Variants in ALDH8A1 observed in about 807,000 individuals in gnomAD.
The protein encoded by ALDH8A1 is 2-aminomuconic semialdehyde dehydrogenase.
In ALDH8A1, 39 loss-of-function variants were observed where a neutral mutation model predicts 43.3. The ratio of observed to expected loss-of-function variants is 0.90; its 90% CI spans 0.70 to 1.18. The LOEUF (loss-of-function observed/expected upper bound fraction) is 1.18. Among genes scored for constraint, ALDH8A1 ranks in the 50% most tolerant of loss-of-function variants. ALDH8A1 has a pLI of 0.00. For synonymous variants in ALDH8A1, 233 were observed against 243.5 expected (o/e 0.96, Z 0.40); for missense variants, 605 against 622.6 (o/e 0.97, Z 0.30).
At chr6:134,939,116 CTGTG>C in intron 4 of ALDH8A1, 146 bp downstream of exon 4, 1 of 1,248,208 alleles carries the variant, frequency 8.0e-7, no homozygotes, top group Non-Finnish European at 1.1e-6. Context: ...TGAGGGAACC[CTGTG>C]GGTGGAGGGG....
In ALDH8A1 at chr6:134,937,836, C is replaced by G. The variant is rs746684686; in HGVS notation, c.592+1430G>C. On this transcript the variant is annotated intron_variant, in intron 4 of 6. Transcript: ENST00000265605. ...GGGAGGAACATGGGAAGGGTCGGCA[C>G]ATTTAAATGATATACCCCGCCCCAC... Among the ~76,000 whole-genome samples, 3 of 152,170 alleles carry G rather than the reference C, an allele frequency of 2.0e-5. No individual in the cohort carries two copies. The East Asian group carries it at 5.8e-4, about 29-fold the overall frequency.
chr6:134,943,891 C>A lies in ALDH8A1; in HGVS notation c.214G>T (p.Val72Phe). 6.2e-7 allele frequency: 1 copy of A among 1,614,234 alleles called. No individual in the cohort carries two copies. The highest frequency in any genetic ancestry group is 8.5e-7 in the Non-Finnish European group (1 of 1,180,042). ...AGCAAATCCGCCACCTGGTTCAGGA[C>A]CCGTGAGCGCTCCTGGGGGCTGCGG... The part of the protein sequence containing the change: ...SSRSPQERSR[V>F]LNQVADLLEQ... The change falls in exon 2 of 7, where the codon GTC (valine) becomes TTC (phenylalanine). Residue 72 changes from valine to phenylalanine, a missense_variant. Coordinates refer to ENST00000265605, the MANE Select transcript of ALDH8A1 (RefSeq NM_022568.4).
intron 1 of ALDH8A1, among the ~76,000 whole-genome samples, chr6:134,945,136 G>A (rs1487423294): frequency 6.6e-6 from 1 of 151,922 alleles, no homozygotes; most frequent in Non-Finnish European, 1.5e-5. Flanking sequence ...AAGGGAATAT[G>A]CTAAATACTT....
rs374409638 is a variant in ALDH8A1, at chr6:134,918,633, T to G, written c.1246A>C (p.Lys416Gln). The G allele has an allele frequency of 1.3e-4, 203 of 1,614,076 alleles. No homozygotes were observed. Among genetic ancestry groups the G allele is most frequent in the Middle Eastern group, 1.2e-3 (7 of 6,084 alleles). ...CACACGGTAGCCGCCAGCCCATACT[T>G]AACGTTGTTGGCTCTTTCAATCACC... ...EEVIERANNVKYGLAATVWSS... is the reference protein window; with the variant it reads ...EEVIERANNVQYGLAATVWSS... Residue 416 changes from lysine (K) to glutamine (Q), a missense_variant, in exon 7 of 7, where the codon AAG (lysine) becomes CAG (glutamine). Transcript: ENST00000265605.
At position 134,943,898 on chromosome 6, in the gene ALDH8A1, G is replaced by A. The variant is rs2114708601; in HGVS notation, c.207C>T (p.Arg69=). Residue 69 remains arginine, a synonymous_variant, in exon 2 of 7, where the codon CGC becomes CGT. Coordinates refer to ENST00000265605, the MANE Select transcript of ALDH8A1 (RefSeq NM_022568.4). The part of the protein sequence containing the change: ...PSWSSRSPQE[R]SRVLNQVADL... ...CCGCCACCTGGTTCAGGACCCGTGA[G>A]CGCTCCTGGGGGCTGCGGGATGACC... The A allele has an allele frequency of 4.3e-6, 7 of 1,614,250 alleles. No homozygotes were observed. The highest frequency in any genetic ancestry group is 5.9e-6 in the Non-Finnish European group (7 of 1,180,046).
At chr6:134,930,705 C>T (rs1305441336) in intron 5 of ALDH8A1, among the ~76,000 whole-genome samples, 2 of 152,218 alleles carry the variant, frequency 1.3e-5, no homozygotes, top group African/African-American at 2.4e-5. Context: ...CGCAAGCGCC[C>T]TGTGACATCA....
At chr6:134,934,774 C>G (rs749466158) in intron 4 of ALDH8A1, among the ~76,000 whole-genome samples, 2 of 152,158 alleles carry the variant, frequency 1.3e-5, no homozygotes, top group Non-Finnish European at 2.9e-5. Context: ...TGCAGCCAGA[C>G]TCCATCTCAA....
intron 4 of ALDH8A1, among the ~76,000 whole-genome samples, chr6:134,936,214 G>A (rs1331665969): frequency 2.0e-5 from 3 of 152,228 alleles, no homozygotes; most frequent in Admixed American, 2.0e-4. Context: ...GCCTCCCAAA[G>A]TGCTGGGATT....
At chr6:134,935,848 G>T (rs1409826223) in intron 4 of ALDH8A1, among the ~76,000 whole-genome samples, 2 of 152,002 alleles carry the variant, frequency 1.3e-5, no homozygotes, top group African/African-American at 4.8e-5. Context: ...CACAGCCTTG[G>T]CCCAATCACC....
intron 6 of ALDH8A1, among the ~76,000 whole-genome samples, chr6:134,919,987 C>A (rs968523476): frequency 1.3e-5 from 2 of 152,222 alleles, no homozygotes; most frequent in African/African-American, 4.8e-5. Flanking sequence ...TGGCTTGCTG[C>A]AGCCTTGAAG....
At chr6:134,946,189 G>A (rs1773946299) in intron 1 of ALDH8A1, among the ~76,000 whole-genome samples, 1 of 152,178 alleles carries the variant, frequency 6.6e-6, no homozygotes, top group Non-Finnish European at 1.5e-5. Flanking sequence ...GGTATAAAAT[G>A]ATTCTCATCT....
intron 6 of ALDH8A1, among the ~76,000 whole-genome samples, chr6:134,919,318 T>A (rs1052747279): frequency 3.3e-5 from 5 of 152,216 alleles, no homozygotes; most frequent in African/African-American, 9.6e-5. Context: ...TTCTCCCTTT[T>A]TGGGAGCTAT....
In ALDH8A1 at chr6:134,932,925, G is replaced by A. The variant is rs1298635378; in HGVS notation, c.700C>T (p.Pro234Ser). ...VPLISFTGSQ[P>S]TAERITQLSA... is the part of the protein sequence containing the mutation. ...AGCTGGGTGATCCGCTCAGCGGTGGGCTGGCTCCCGGTGAAGGAGATCAGG... is the reference window on the plus strand; with the variant it reads ...AGCTGGGTGATCCGCTCAGCGGTGGACTGGCTCCCGGTGAAGGAGATCAGG... The change falls in exon 5 of 7, where the codon CCC becomes TCC. Residue 234 changes from proline to serine, a missense_variant. Transcript: ENST00000265605. 6.2e-7 allele frequency: 1 copy of A among 1,614,144 alleles called. No homozygotes were observed. The highest frequency in any genetic ancestry group is 1.1e-5 in the South Asian group (1 of 91,080).
chr6:134,933,023 G>C lies in ALDH8A1; in HGVS notation c.602C>G (p.Pro201Arg). Reference protein sequence around the residue: ...CKLLDKAGVPPGVVNIVFGTG... With the variant: ...CKLLDKAGVPRGVVNIVFGTG... ...TCCAAACACAATATTGACCACACCTGGTGGAACACCTGGATAGGAAACAGT... is the reference window on the plus strand; with the variant it reads ...TCCAAACACAATATTGACCACACCTCGTGGAACACCTGGATAGGAAACAGT... The change falls in exon 5 of 7, where the codon CCA (proline) becomes CGA (arginine). Residue 201 changes from proline (P) to arginine (R), a missense_variant. Pro to Arg is a moderately radical substitution (Grantham distance 103). Transcript: ENST00000265605. 6.4e-7 allele frequency: 1 copy of C among 1,570,000 alleles called. No homozygotes were observed. The highest frequency in any genetic ancestry group is 8.6e-7 in the Non-Finnish European group (1 of 1,159,538).
At chr6:134,938,108 C>G (rs537677674) in intron 4 of ALDH8A1, among the ~76,000 whole-genome samples, 1 of 152,358 alleles carries the variant, frequency 6.6e-6, no homozygotes, top group East Asian at 1.9e-4. Context: ...CTCTTACCCA[C>G]CGGGCATTCT....
rs377746837 is a variant in ALDH8A1 at position 134,922,535 on chromosome 6, G to A, written c.1012-3668C>T. Among the ~76,000 whole-genome samples, 153 of 151,876 alleles carry A rather than the reference G, an allele frequency of 1.0e-3. 1 individual carries two copies. Among genetic ancestry groups the A allele is most frequent in the African/African-American group, 3.2e-3 (133 of 41,410 alleles). On this transcript the variant is annotated intron_variant, in intron 6 of 6. Coordinates refer to ENST00000265605, the MANE Select transcript of ALDH8A1 (RefSeq NM_022568.4). ...CCCGAGTAGCTGGGGCTACAGGTGCGAGCCACCACGCCTGGCTAATTTTTG... is the reference window on the plus strand; with the variant it reads ...CCCGAGTAGCTGGGGCTACAGGTGCAAGCCACCACGCCTGGCTAATTTTTG...
chr6:134,918,581 C>T lies in ALDH8A1; in HGVS notation c.1298G>A (p.Arg433Gln), dbSNP rs746251497. 7.4e-6 allele frequency: 12 copies of T among 1,614,066 alleles called. No individual in the cohort carries two copies. Among genetic ancestry groups the T allele is most frequent in the East Asian group, 4.5e-5 (2 of 44,888 alleles). Reference sequence around the variant, plus strand: ...GCCAGACTGCAGCTTCTTAGCCACCCGGTGGACGCGCCCCACATTGCTGGA... The same window carrying T: ...GCCAGACTGCAGCTTCTTAGCCACCTGGTGGACGCGCCCCACATTGCTGGA... ...VWSSNVGRVH[R>Q]VAKKLQSGLV... Residue 433 changes from arginine to glutamine, a missense_variant, in exon 7 of 7, where the codon CGG (arginine) becomes CAG (glutamine). Arg to Gln is a conservative substitution (Grantham distance 43). Coordinates refer to ENST00000265605, the MANE Select transcript of ALDH8A1 (RefSeq NM_022568.4).
At chr6:134,935,215 A>G (rs984295618) in intron 4 of ALDH8A1, among the ~76,000 whole-genome samples, 12 of 152,240 alleles carry the variant, frequency 7.9e-5, no homozygotes, top group Admixed American at 2.6e-4. Flanking sequence ...CATGGAACTC[A>G]GACCAGTAAA....
chr6:134,918,479 C>G lies in ALDH8A1; in HGVS notation c.1400G>C (p.Arg467Thr). ...GTCGTAAGAGTCCTTGGCTCCCTCT[C>G]TACCTATTCCAGAACTCTTCATCCC... Reference protein sequence around the residue: ...FGGMKSSGIGREGAKDSYDFF... With the variant: ...FGGMKSSGIGTEGAKDSYDFF... The change falls in exon 7 of 7, where the codon AGA (arginine) becomes ACA (threonine). Residue 467 changes from arginine to threonine, a missense_variant. Physicochemically the swap from Arg to Thr is moderately conservative, Grantham distance 71. Transcript: ENST00000265605. 1.2e-6 allele frequency: 2 copies of G among 1,614,222 alleles called. No individual in the cohort carries two copies. Among genetic ancestry groups the G allele is most frequent in the Non-Finnish European group, 1.7e-6 (2 of 1,180,036 alleles).
Sources: allele counts gnomAD v4.1 joint callset (sites outside exome capture counted in the v4.1 genomes callset), GRCh38; gene constraint gnomAD v4.1.1; transcripts MANE v1.5; gene names NCBI Gene and HGNC (gene_info 2026-07-23, HGNC 2026-07-21).